Variants in BMPR2 observed in about 807,000 individuals in gnomAD.
BMPR2 encodes the protein bone morphogenetic protein receptor type-2.
A neutral mutation model predicts 100.8 loss-of-function variants in BMPR2; 29 were observed. The ratio of observed to expected loss-of-function variants is 0.29; its 90% CI spans 0.21 to 0.39. The LOEUF (loss-of-function observed/expected upper bound fraction) is 0.39, where lower values mean the gene tolerates loss of function less well. BMPR2 is among the 10% of genes least tolerant of loss of function. BMPR2 has a pLI of 1.00. For missense variants in BMPR2, 1,011 were observed against 1,274.5 expected, an observed-to-expected ratio of 0.79 and a Z score of 3.15; for synonymous variants, 382 against 442.3, an observed-to-expected ratio of 0.86 and a Z score of 1.71.
chr2:202,432,370 C>A (rs1018198738), intron 1 of BMPR2, among the ~76,000 whole-genome samples: 1 of 150,482 alleles, frequency 6.6e-6, no homozygotes, highest in Non-Finnish European at 1.5e-5. Context: ...ATTCCATTAG[C>A]ACAGTGGTAT....
chr2:202,509,954 A>G (rs1376688388), intron 3 of BMPR2, among the ~76,000 whole-genome samples: 3 of 152,076 alleles, frequency 2.0e-5, no homozygotes, highest in Admixed American at 2.0e-4. Context: ...TTTAATATTT[A>G]ATTTTATTTT....
chr2:202,445,790 T>C (rs79248250), intron 1 of BMPR2, among the ~76,000 whole-genome samples: 1 of 147,082 alleles, frequency 6.8e-6, no homozygotes, highest in Admixed American at 6.7e-5. Flanking sequence ...TTTTTTTTTT[T>C]TGAGACGGGA....
intron 7 of BMPR2, among the ~76,000 whole-genome samples, chr2:202,530,114 C>T (rs1687994075): frequency 6.6e-6 from 1 of 152,148 alleles, no homozygotes; most frequent in South Asian, 2.1e-4. Context: ...AAGATGTTCT[C>T]TTTCTGCCTT....
chr2:202,517,816 CTTT>C (rs753338130), intron 5 of BMPR2, among the ~76,000 whole-genome samples: 3 of 142,288 alleles, frequency 2.1e-5, no homozygotes. Context: ...CTTCTTTTTT[CTTT>C]TTTTTTTTTT....
chr2:202,505,176 T>C (rs1687495191), intron 3 of BMPR2: 2 of 152,972 alleles, frequency 1.3e-5, no homozygotes, highest in African/African-American at 4.8e-5. Context: ...TGCCAATCTA[T>C]TTTGAAGTCC....
chr2:202,501,070 G>C (rs531387112), intron 3 of BMPR2, among the ~76,000 whole-genome samples: 86 of 152,274 alleles, frequency 5.6e-4, no homozygotes, highest in African/African-American at 1.8e-3. Context: ...CGGAAGCCTC[G>C]TGCCAGCAGG....
intron 3 of BMPR2, among the ~76,000 whole-genome samples, chr2:202,493,978 A>G (rs1275222106): frequency 6.6e-6 from 1 of 152,168 alleles, no homozygotes; most frequent in African/African-American, 2.4e-5. Context: ...AGTATTAACT[A>G]CTTGTTTGAA....
chr2:202,432,309 A>G (rs1052174254), intron 1 of BMPR2, among the ~76,000 whole-genome samples: 1 of 150,804 alleles, frequency 6.6e-6, no homozygotes, highest in African/African-American at 2.5e-5. Context: ...ACACCAGGTA[A>G]TGATTTATTC....
At chr2:202,535,012 GGGTCGGCTGGCC>G (rs1190892053) in intron 9 of BMPR2, among the ~76,000 whole-genome samples, 2 of 138,918 alleles carry the variant, frequency 1.4e-5, no homozygotes, top group Non-Finnish European at 3.1e-5. Flanking sequence ...CCTCCCGGAC[GGGTCGGCTGGCC>G]GGGCGGGTGG....
At position 202,564,144 on chromosome 2, in the gene BMPR2, G is replaced by C. The variant is rs1413227097; in HGVS notation, c.*4198G>C. On this transcript the variant is annotated 3_prime_UTR_variant, in exon 13 of 13. Coordinates refer to ENST00000374580, the MANE Select transcript of BMPR2 (RefSeq NM_001204.7). Reference sequence around the variant, plus strand: ...ACTGAAATTTCTAGTCTTTGTAAGTGCCTCCTGAAAGTCATTTAAAATGGA... The same window carrying C: ...ACTGAAATTTCTAGTCTTTGTAAGTCCCTCCTGAAAGTCATTTAAAATGGA... 2 of 152,128 alleles carry C rather than the reference G, an allele frequency of 1.3e-5. No individual in the cohort carries two copies. Among genetic ancestry groups the C allele is most frequent in the Non-Finnish European group, 2.9e-5 (2 of 68,020 alleles). 9.4% of individuals were successfully genotyped at this position (152,128 alleles called of 1,614,324 possible).
intron 3 of BMPR2, among the ~76,000 whole-genome samples, chr2:202,494,772 G>T (rs1489713994): frequency 6.6e-6 from 1 of 152,190 alleles, no homozygotes; most frequent in East Asian, 1.9e-4. Flanking sequence ...CTAGTTAAAG[G>T]CCTCTTTTGC....
At chr2:202,531,369 ACATCT>A (rs1036288801) in intron 8 of BMPR2, among the ~76,000 whole-genome samples, 3 of 152,192 alleles carry the variant, frequency 2.0e-5, no homozygotes, top group African/African-American at 7.2e-5. Flanking sequence ...AATATAAAAG[ACATCT>A]CATAAAGGCC....
intron 1 of BMPR2, among the ~76,000 whole-genome samples, chr2:202,395,025 A>C (rs1377798318): frequency 6.7e-6 from 1 of 149,502 alleles, no homozygotes; most frequent in Non-Finnish European, 1.5e-5. Context: ...CTGGGACTAC[A>C]GGTGCCCGCC....
intron 7 of BMPR2, among the ~76,000 whole-genome samples, chr2:202,524,234 C>T (rs1439494535): frequency 2.0e-5 from 3 of 151,052 alleles, no homozygotes; most frequent in African/African-American, 4.9e-5. Flanking sequence ...TGGTGGTGGG[C>T]GCCTGTAGTC....
chr2:202,478,345 A>G (rs1692590794), intron 3 of BMPR2, among the ~76,000 whole-genome samples: 1 of 152,198 alleles, frequency 6.6e-6, no homozygotes, highest in Non-Finnish European at 1.5e-5. Flanking sequence ...CAATGAGTCA[A>G]CCATATACAA....
At chr2:202,422,741 A>T (rs1032663246) in intron 1 of BMPR2, among the ~76,000 whole-genome samples, 1 of 152,038 alleles carries the variant, frequency 6.6e-6, no homozygotes, top group Non-Finnish European at 1.5e-5. Flanking sequence ...CAGTGGCATG[A>T]TCTCAGCTCA....
rs145187970 is a variant in BMPR2 at position 202,466,888 on chromosome 2, G to A, written c.248-631G>A. On this transcript the variant is annotated intron_variant, in intron 2 of 12. Coordinates refer to ENST00000374580, the MANE Select transcript of BMPR2 (RefSeq NM_001204.7). Reference sequence around the variant, plus strand: ...GCTGGGATTCTAGGCGTGAGCCACCGTGCCCAGCCATATTATTTTTTAAAC... The same window carrying A: ...GCTGGGATTCTAGGCGTGAGCCACCATGCCCAGCCATATTATTTTTTAAAC... Among the ~76,000 whole-genome samples, 748 of 152,272 alleles carry A rather than the reference G, an allele frequency of 4.9e-3. 18 individuals are homozygous for A. Among genetic ancestry groups the A allele is most frequent in the Admixed American group, 0.035 (532 of 15,290 alleles).
chr2:202,543,408 A>C (rs960685985), intron 10 of BMPR2, among the ~76,000 whole-genome samples: 1 of 151,398 alleles, frequency 6.6e-6, no homozygotes, highest in Non-Finnish European at 1.5e-5. Flanking sequence ...TAATCTAATT[A>C]TCTACTATCA....
intron 2 of BMPR2, among the ~76,000 whole-genome samples, chr2:202,466,807 A>G (rs1046514062): frequency 3.4e-5 from 5 of 148,062 alleles, no homozygotes; most frequent in African/African-American, 1.2e-4. Flanking sequence ...TGCGTTGCCC[A>G]GGCAGGTCTC....
Sources: gnomAD v4.1 joint callset for allele counts (sites outside exome capture counted in the v4.1 genomes callset) on GRCh38, gnomAD v4.1.1 for gene constraint, MANE v1.5 for transcripts, NCBI Gene and HGNC (gene_info 2026-07-23, HGNC 2026-07-21) for gene names.